Variants in RBM33 observed in about 807,000 individuals in gnomAD.
The protein encoded by RBM33 is RNA-binding protein 33.
A neutral mutation model predicts 132.6 loss-of-function variants in RBM33; 28 were observed. The ratio of observed to expected loss-of-function variants is 0.21; its 90% CI spans 0.16 to 0.29. RBM33 has a LOEUF of 0.29. Ranked by LOEUF, RBM33 falls within the 10% of genes least tolerant of loss-of-function variation. RBM33 has a pLI of 1.00. For synonymous variants in RBM33, 634 were observed against 593.0 expected (o/e 1.07, Z -1.01); for missense variants, 1,291 against 1,518.5 (o/e 0.85, Z 2.49).
intron 9 of RBM33, among the ~76,000 whole-genome samples, chr7:155,730,348 A>G (rs191037303): frequency 6.6e-6 from 1 of 152,374 alleles, no homozygotes; most frequent in East Asian, 1.9e-4. Flanking sequence ...AAACATGGAA[A>G]TATGACAGAA....
At chr7:155,773,677 C>G (rs1802512640) in intron 16 of RBM33, among the ~76,000 whole-genome samples, 1 of 149,142 alleles carries the variant, frequency 6.7e-6, no homozygotes, top group Admixed American at 6.7e-5. Context: ...GAACCAGACT[C>G]TAGAGCTTTG....
At chr7:155,691,554 C>T (rs192117667) in intron 5 of RBM33, among the ~76,000 whole-genome samples, 1 of 152,108 alleles carries the variant, frequency 6.6e-6, no homozygotes, top group Non-Finnish European at 1.5e-5. Flanking sequence ...ATATTTGTAG[C>T]ATATCTTAAA....
chr7:155,701,968 G>A (rs935456634), intron 6 of RBM33, among the ~76,000 whole-genome samples: 4 of 152,200 alleles, frequency 2.6e-5, no homozygotes, highest in Non-Finnish European at 1.5e-5. Context: ...TTACAGGCGT[G>A]AGCCACCGCT....
At chr7:155,734,934 A>G (rs945610530) in intron 9 of RBM33, among the ~76,000 whole-genome samples, 14 of 152,240 alleles carry the variant, frequency 9.2e-5, no homozygotes, top group Admixed American at 4.6e-4. Flanking sequence ...TTGATTGCTA[A>G]TTTATTGTCA....
chr7:155,680,544 C>T, intron 4 of RBM33, 46 bp from the exon 5 acceptor site: 1 of 1,325,374 alleles, frequency 7.5e-7, no homozygotes, highest in South Asian at 1.5e-5. Context: ...AGTTTGAGCT[C>T]CTCTCTTCAT....
Position 155,673,940 on chromosome 7 carries a change from G to GTTGTTGTTTTTTTTTTGTTTTTTTTT in RBM33, c.171+1027_171+1028insGTTGTTTTTTTTTTGTTTTTTTTTTT. ...TCATTATCAAGATAGTTTAGGCTTA[G>GTTGTTGTTTTTTTTTTGTTTTTTTTT]TTTTTTTTTTTTTTTTTTTTTTTTT... On this transcript the variant is annotated intron_variant, in intron 3 of 17. Transcript: ENST00000401878. Among the ~76,000 whole-genome samples, 46 of 54,196 alleles carry GTTGTTGTTTTTTTTTTGTTTTTTTTT rather than the reference G, an allele frequency of 8.5e-4. 5 individuals carry two copies. Among genetic ancestry groups the GTTGTTGTTTTTTTTTTGTTTTTTTTT allele is most frequent in the African/African-American group, 3.6e-3 (44 of 12,126 alleles). The allele number at this position is 54,196 out of a possible 152,430, so 35.6% of individuals were successfully genotyped here.
intron 16 of RBM33, among the ~76,000 whole-genome samples, chr7:155,772,631 T>C (rs1308792034): frequency 6.6e-6 from 1 of 152,206 alleles, no homozygotes; most frequent in Admixed American, 6.5e-5. Flanking sequence ...TCAAATTTCT[T>C]TTGTATTCAT....
chr7:155,673,947 T>TTTTTTG (rs1563138368), intron 3 of RBM33, among the ~76,000 whole-genome samples: 2 of 97,788 alleles, frequency 2.0e-5, no homozygotes, highest in African/African-American at 7.8e-5. Flanking sequence ...TTAGTTTTTT[T>TTTTTTG]TTTTTTTTTT....
intron 9 of RBM33, among the ~76,000 whole-genome samples, chr7:155,727,943 CT>C (rs1202019086): frequency 6.6e-6 from 1 of 151,762 alleles, no homozygotes. Flanking sequence ...TTTTTTTGTA[CT>C]TTTTTTGTAG....
intron 8 of RBM33, among the ~76,000 whole-genome samples, chr7:155,713,938 G>A (rs531765218): frequency 6.6e-6 from 1 of 152,224 alleles, no homozygotes; most frequent in South Asian, 2.1e-4. Flanking sequence ...GGATGGGCAG[G>A]TGGAGGAGTC....
chr7:155,773,885 TTCA>T (rs1458394212), intron 16 of RBM33, among the ~76,000 whole-genome samples: 22 of 152,246 alleles, frequency 1.4e-4, no homozygotes, highest in Admixed American at 1.3e-3. Flanking sequence ...CTTTACTGGA[TTCA>T]TCATTTCTTT....
At chr7:155,666,108 A>G (rs1199925059) in intron 2 of RBM33, among the ~76,000 whole-genome samples, 3 of 152,234 alleles carry the variant, frequency 2.0e-5, no homozygotes, top group Non-Finnish European at 2.9e-5. Flanking sequence ...GAGCAGAACC[A>G]AAAGAATATA....
intron 16 of RBM33, among the ~76,000 whole-genome samples, chr7:155,767,352 C>T (rs1487913068): frequency 5.3e-5 from 8 of 152,230 alleles, no homozygotes; most frequent in East Asian, 3.8e-4. Context: ...TGCCACGCAC[C>T]GTGCGTCCCG....
Position 155,774,046 on chromosome 7 carries a change from C to T in RBM33, c.3376-513C>T, listed in dbSNP as rs1208635431. ...GACCACGTTATGCTGATGTCTGCCC[C>T]AGGCACCACTGCCCTCACCATGGCC... is the stretch of plus-strand genomic sequence containing the variant. On this transcript the variant is annotated intron_variant, in intron 16 of 17. Transcript: ENST00000401878. This position sits in a 1 kb window ranked among gnomAD's most constrained non-coding sequence, Gnocchi z 4.2. Among the ~76,000 whole-genome samples the T allele has an allele frequency of 6.6e-6, 1 of 152,234 alleles. No individual in the cohort carries two copies. The highest frequency in any genetic ancestry group is 6.5e-5 in the Admixed American group (1 of 15,282).
Position 155,738,361 on chromosome 7 carries a change from A to T in RBM33, c.1695A>T (p.Pro565=). Residue 565 remains proline (P), a synonymous_variant, in exon 11 of 18, where the codon CCA becomes CCT. Coordinates refer to ENST00000401878, the MANE Select transcript of RBM33 (RefSeq NM_053043.3). ...CTAGACAGCCGTTCCTGCCAGGCCC[A>T]GGACAGCCGTTTCTGCCCACACACA... ...IPPRQPFLPG[P]GQPFLPTHTQ... The T allele has an allele frequency of 1.2e-6, 2 of 1,613,944 alleles. No homozygotes were observed. The highest frequency in any genetic ancestry group is 1.1e-5 in the South Asian group (1 of 91,086).
rs571799377 is a variant in RBM33 at position 155,708,430 on chromosome 7, A to T, written c.948+1362A>T. Among the ~76,000 whole-genome samples, 3 of 152,250 alleles carry T rather than the reference A, an allele frequency of 2.0e-5. No homozygotes were observed. The South Asian group carries it at 6.2e-4, about 32-fold the overall frequency. On this transcript the variant is annotated intron_variant, in intron 7 of 17. Coordinates refer to ENST00000401878, the MANE Select transcript of RBM33 (RefSeq NM_053043.3). ...TTTTGGCCTCTTTCGGGGCCAAACA[A>T]CTCTCATACGAGGCCAGTGTTTACG...
Position 155,740,023 on chromosome 7 carries a change from G to A in RBM33, c.2046G>A (p.Arg682=), listed in dbSNP as rs1355976554. Residue 682 remains arginine (R), a synonymous_variant, in exon 12 of 18, where the codon CGG becomes CGA. Coordinates refer to ENST00000401878, the MANE Select transcript of RBM33 (RefSeq NM_053043.3). ...RMQCPQRQGL[R]HNTTSQNVSK... Reference sequence around the variant, plus strand: ...AGTGCCCCCAGCGCCAGGGGCTCCGGCATGTAAGTGTCAAGGGGTGTCTTC... The same window carrying A: ...AGTGCCCCCAGCGCCAGGGGCTCCGACATGTAAGTGTCAAGGGGTGTCTTC... 11 of 1,539,414 alleles carry A rather than the reference G, an allele frequency of 7.1e-6. No individual in the cohort carries two copies. The highest frequency in any genetic ancestry group is 9.7e-6 in the Non-Finnish European group (11 of 1,137,454).
chr7:155,684,260 C>T (rs1799411150), intron 5 of RBM33, among the ~76,000 whole-genome samples: 1 of 152,158 alleles, frequency 6.6e-6, no homozygotes, highest in East Asian at 1.9e-4. Context: ...AGCAAGTAGG[C>T]TGGGACCCTG....
At chr7:155,662,515 C>T (rs1798680058) in intron 1 of RBM33, among the ~76,000 whole-genome samples, 1 of 151,182 alleles carries the variant, frequency 6.6e-6, no homozygotes, top group Non-Finnish European at 1.5e-5. Flanking sequence ...TGCTTCCTCA[C>T]CCCGCCCCCC....
Sources: gnomAD v4.1 joint callset for allele counts (sites outside exome capture counted in the v4.1 genomes callset) on GRCh38, gnomAD v4.1.1 for gene constraint, Gnocchi (gnomAD v3.1) non-coding constraint, MANE v1.5 for transcripts, NCBI Gene and HGNC (gene_info 2026-07-23, HGNC 2026-07-21) for gene names.